The following NRXN3 variants were observed in gnomAD, a reference collection of about 807,000 sequenced individuals.
NRXN3 encodes neurexin 3.
In NRXN3, 32 loss-of-function variants were observed where a neutral mutation model predicts 137.6. The observed-to-expected ratio is 0.23, with a 90% CI of 0.18 to 0.31. The LOEUF is 0.31. Ranked by LOEUF, NRXN3 falls within the 10% of genes least tolerant of loss-of-function variation. The pLI, the probability that NRXN3 is intolerant of heterozygous loss-of-function variation, is 1.00. For synonymous variants in NRXN3, 798 were observed against 784.5 expected (o/e 1.02, Z -0.29); for missense variants, 1,574 against 2,062.5 (o/e 0.76, Z 4.59).
chr14:79,364,108 T>C (rs2093786173), intron 15 of NRXN3, among the ~76,000 whole-genome samples: 1 of 152,242 alleles, frequency 6.6e-6, no homozygotes, highest in Non-Finnish European at 1.5e-5. Flanking sequence ...CTCTTCTCAT[T>C]TCTTTTAATT....
intron 4 of NRXN3, among the ~76,000 whole-genome samples, chr14:78,530,320 A>G (rs1044592094): frequency 6.6e-6 from 1 of 152,206 alleles, no homozygotes; most frequent in Non-Finnish European, 1.5e-5. Flanking sequence ...AGAACTACTC[A>G]GTTTGGGACA....
chr14:79,293,264 T>G (rs1226580736), intron 15 of NRXN3, among the ~76,000 whole-genome samples: 1 of 152,186 alleles, frequency 6.6e-6, no homozygotes, highest in African/African-American at 2.4e-5. Flanking sequence ...CACAACCTCA[T>G]CACCAAGTTC....
intron 6 of NRXN3, among the ~76,000 whole-genome samples, chr14:78,694,888 GAGC>G (rs1313527239): frequency 1.3e-5 from 2 of 152,006 alleles, no homozygotes; most frequent in African/African-American, 4.8e-5. Context: ...GCTGAGGAAT[GAGC>G]AGCAGTGGGA....
chr14:78,278,363 A>C (rs139515650), intron 2 of NRXN3, among the ~76,000 whole-genome samples: 102 of 152,284 alleles, frequency 6.7e-4, no homozygotes, highest in African/African-American at 2.4e-3. Context: ...TTGAAGCCCT[A>C]TCTGATTCCA....
At chr14:78,540,730 T>C (rs2096581867) in intron 4 of NRXN3, among the ~76,000 whole-genome samples, 1 of 152,216 alleles carries the variant, frequency 6.6e-6, no homozygotes, top group African/African-American at 2.4e-5. Context: ...CTTTACAATT[T>C]GGCATGTTTT....
At chr14:79,381,886 A>C (rs1410114889) in intron 15 of NRXN3, among the ~76,000 whole-genome samples, 1 of 152,188 alleles carries the variant, frequency 6.6e-6, no homozygotes, top group Non-Finnish European at 1.5e-5. Context: ...TTCCATATAT[A>C]ATACAACTTA....
At chr14:78,832,434 G>T (rs2098985076) in intron 10 of NRXN3, among the ~76,000 whole-genome samples, 1 of 152,186 alleles carries the variant, frequency 6.6e-6, no homozygotes, top group East Asian at 1.9e-4. Flanking sequence ...TAAACTAACA[G>T]CTGATTTTAA....
chr14:78,688,689 T>C (rs759388132), intron 6 of NRXN3, among the ~76,000 whole-genome samples: 6 of 152,122 alleles, frequency 3.9e-5, no homozygotes, highest in Non-Finnish European at 7.4e-5. Flanking sequence ...TTTTGAAATA[T>C]GCTGACCTGA....
At chr14:78,739,932 T>C (rs749983595) in intron 8 of NRXN3, among the ~76,000 whole-genome samples, 1 of 152,124 alleles carries the variant, frequency 6.6e-6, no homozygotes, top group Non-Finnish European at 1.5e-5. Flanking sequence ...CAGGCTTCTG[T>C]GGTCAGAGCA....
intron 4 of NRXN3, among the ~76,000 whole-genome samples, chr14:78,564,278 C>G (rs1388255302): frequency 6.6e-6 from 1 of 152,200 alleles, no homozygotes. Flanking sequence ...TCCCCCTCCT[C>G]CTATTCCCGC....
chr14:78,518,935 G>C (rs1188290744), intron 4 of NRXN3, among the ~76,000 whole-genome samples: 1 of 151,972 alleles, frequency 6.6e-6, no homozygotes, highest in African/African-American at 2.4e-5. Context: ...CTGGAATCTA[G>C]TATTGAGGAA....
At chr14:79,220,928 G>T (rs780022450) in intron 15 of NRXN3, among the ~76,000 whole-genome samples, 1 of 147,378 alleles carries the variant, frequency 6.8e-6, no homozygotes, top group African/African-American at 2.5e-5. Flanking sequence ...AACAGGCCCC[G>T]GTGTGTGATG....
At chr14:78,527,648 T>TA (rs1346690690) in intron 4 of NRXN3, among the ~76,000 whole-genome samples, 2 of 152,226 alleles carry the variant, frequency 1.3e-5, no homozygotes, top group Non-Finnish European at 2.9e-5. Context: ...AAAATGGGGC[T>TA]AGTAATAGCT....
At chr14:79,700,785 T>C (rs1301715382) in intron 19 of NRXN3, among the ~76,000 whole-genome samples, 3 of 152,082 alleles carry the variant, frequency 2.0e-5, no homozygotes, top group Non-Finnish European at 2.9e-5. Flanking sequence ...TTCCATTTTG[T>C]TACAGGTAAG....
intron 4 of NRXN3, among the ~76,000 whole-genome samples, chr14:78,387,224 G>T (rs1037872185): frequency 2.0e-5 from 3 of 152,088 alleles, no homozygotes; most frequent in Non-Finnish European, 4.4e-5. Context: ...AGGAAATAAT[G>T]ATTTACTTAA....
chr14:79,295,638 G>A (rs914667652), intron 15 of NRXN3, among the ~76,000 whole-genome samples: 2 of 152,074 alleles, frequency 1.3e-5, no homozygotes, highest in African/African-American at 4.8e-5. Context: ...CTGAGTAAAG[G>A]GATGGATGAA....
At chr14:78,761,289 A>AT (rs1216129979) in intron 8 of NRXN3, among the ~76,000 whole-genome samples, 1 of 152,198 alleles carries the variant, frequency 6.6e-6, no homozygotes, top group Non-Finnish European at 1.5e-5. Context: ...TTTTGACTGG[A>AT]TTTTGACTGG....
chr14:78,913,895 A>C (rs754160865), intron 10 of NRXN3, among the ~76,000 whole-genome samples: 1 of 151,928 alleles, frequency 6.6e-6, no homozygotes, highest in Non-Finnish European at 1.5e-5. Context: ...GGAAGCCACT[A>C]TTCTAGAATT....
chr14:79,126,935 G>A (rs1455855521), intron 15 of NRXN3, among the ~76,000 whole-genome samples: 2 of 152,188 alleles, frequency 1.3e-5, no homozygotes, highest in East Asian at 1.9e-4. Context: ...GTGATGGTGA[G>A]CATTTTTTCA....
Sources: gnomAD v4.1 joint callset for allele counts (sites outside exome capture counted in the v4.1 genomes callset) on GRCh38, gnomAD v4.1.1 for gene constraint, MANE v1.5 for transcripts, NCBI Gene and HGNC (gene_info 2026-07-23, HGNC 2026-07-21) for gene names.